Variants in MAD1L1 observed in about 807,000 individuals in gnomAD.
MAD1L1 encodes the protein mitotic arrest deficient 1 like 1.
In MAD1L1, 95 loss-of-function variants were observed where a neutral mutation model predicts 96.9. That is an observed-to-expected ratio of 0.98 (90% CI 0.83 to 1.16). The LOEUF is 1.16. Among genes scored for constraint, MAD1L1 ranks in the 50% most tolerant of loss-of-function variants. The pLI, the probability that MAD1L1 is intolerant of heterozygous loss-of-function variation, is 0.00. For synonymous variants in MAD1L1, 473 were observed against 396.6 expected (o/e 1.19, Z -2.29); for missense variants, 1,007 against 954.4 (o/e 1.06, Z -0.73).
chr7:2,194,747 T>C (rs896741722), intron 10 of MAD1L1, among the ~76,000 whole-genome samples: 2 of 152,038 alleles, frequency 1.3e-5, no homozygotes, highest in African/African-American at 4.8e-5. Context: ...GCATACTAAA[T>C]GATGAAACAA....
intron 16 of MAD1L1, among the ~76,000 whole-genome samples, chr7:1,950,828 G>T (rs1013496351): frequency 6.6e-6 from 1 of 152,192 alleles, no homozygotes; most frequent in Admixed American, 6.5e-5. Flanking sequence ...CACCGCGGTG[G>T]GTCCTGGCTC....
intron 10 of MAD1L1, among the ~76,000 whole-genome samples, chr7:2,165,860 C>T (rs919511918): frequency 2.6e-5 from 4 of 152,154 alleles, no homozygotes; most frequent in South Asian, 4.1e-4. Context: ...CCCCATGCTG[C>T]CCACAGCCCC....
chr7:1,977,427 C>T (rs1780697241), intron 15 of MAD1L1, among the ~76,000 whole-genome samples: 1 of 152,214 alleles, frequency 6.6e-6, no homozygotes, highest in Non-Finnish European at 1.5e-5. Flanking sequence ...CCCGCCAAGC[C>T]CACGCCCACC....
At chr7:2,147,862 T>C (rs373935453) in intron 11 of MAD1L1, among the ~76,000 whole-genome samples, 38 of 152,380 alleles carry the variant, frequency 2.5e-4, no homozygotes, top group African/African-American at 8.9e-4. Flanking sequence ...GACACAGAGA[T>C]GGGCCTGCTG....
chr7:1,950,590 T>C (rs901762323), intron 16 of MAD1L1, among the ~76,000 whole-genome samples: 8 of 152,220 alleles, frequency 5.3e-5, no homozygotes, highest in Admixed American at 2.0e-4. Context: ...GGCTGAGGCC[T>C]GGCTCTGAGC....
intron 18 of MAD1L1, among the ~76,000 whole-genome samples, chr7:1,881,331 C>A (rs1022995178): frequency 2.0e-5 from 3 of 152,128 alleles, no homozygotes; most frequent in African/African-American, 7.2e-5. Context: ...AAGGTCATCG[C>A]CAAGGTCTGA....
intron 13 of MAD1L1, among the ~76,000 whole-genome samples, chr7:2,009,624 G>A (rs1357674457): frequency 1.3e-5 from 2 of 152,198 alleles, no homozygotes; most frequent in Non-Finnish European, 2.9e-5. Flanking sequence ...GTCTGAGGAT[G>A]ACTGTGAGCC....
chr7:1,973,844 G>A (rs1015965439), intron 15 of MAD1L1, among the ~76,000 whole-genome samples: 7 of 152,198 alleles, frequency 4.6e-5, no homozygotes, highest in African/African-American at 1.7e-4. Context: ...CCAGAGCTGG[G>A]CCTGCCTCTG....
At chr7:2,219,307 G>A (rs995788875) in intron 6 of MAD1L1, 25 bp downstream of exon 6, 35 of 1,489,464 alleles carry the variant, frequency 2.3e-5, no homozygotes, top group Middle Eastern at 2.3e-4. Context: ...CCCGACCCCC[G>A]ACCCCACACC....
intron 10 of MAD1L1, among the ~76,000 whole-genome samples, chr7:2,164,291 G>A (rs573288269): frequency 3.3e-5 from 5 of 152,334 alleles, no homozygotes; most frequent in Non-Finnish European, 5.9e-5. Flanking sequence ...AGAGGCAAGA[G>A]AACAGCCTGG....
chr7:1,960,430 T>C (rs1275917962), intron 15 of MAD1L1, among the ~76,000 whole-genome samples: 1 of 152,060 alleles, frequency 6.6e-6, no homozygotes, highest in East Asian at 1.9e-4. Flanking sequence ...CCGCTGACAA[T>C]AATGCACTTT....
At chr7:2,016,689 CT>C (rs869262279) in intron 12 of MAD1L1, among the ~76,000 whole-genome samples, 99 of 484 alleles carry the variant, frequency 0.2, no homozygotes, top group Non-Finnish European at 0.32. Flanking sequence ...CTCCTGCCGT[CT>C]GTCTCTTGAG....
At chr7:2,076,957 G>GGCACGGTGAGCCCGCA (rs1785405244) in intron 11 of MAD1L1, among the ~76,000 whole-genome samples, 1 of 149,580 alleles carries the variant, frequency 6.7e-6, no homozygotes, top group African/African-American at 2.5e-5. Context: ...GTGAGCCCGC[G>GGCACGGTGAGCCCGCA]GCACGGTGAG....
intron 10 of MAD1L1, among the ~76,000 whole-genome samples, chr7:2,212,937 C>T (rs902629260): frequency 8.5e-5 from 13 of 152,260 alleles, no homozygotes; most frequent in Admixed American, 4.6e-4. Flanking sequence ...AGCCCCGCAA[C>T]GCAGGGCAAT....
At chr7:1,817,456 T>A (rs1781873876) in intron 18 of MAD1L1, 1 of 152,202 alleles carries the variant, frequency 6.6e-6, no homozygotes, top group South Asian at 2.1e-4. Flanking sequence ...AAACCGGGTT[T>A]ACCCGTCAAC....
intron 10 of MAD1L1, among the ~76,000 whole-genome samples, chr7:2,188,993 C>T (rs1791589264): frequency 2.0e-5 from 3 of 152,048 alleles, no homozygotes; most frequent in Non-Finnish European, 4.4e-5. Context: ...ATGAAAATAA[C>T]GCGATTCAAG....
At chr7:2,075,073 A>G (rs1350323380) in intron 11 of MAD1L1, among the ~76,000 whole-genome samples, 4 of 151,934 alleles carry the variant, frequency 2.6e-5, no homozygotes, top group Non-Finnish European at 2.9e-5. Context: ...GAAGGCAAGG[A>G]GCAGGCTGGC....
At chr7:2,014,452 G>A (rs775748204) in intron 13 of MAD1L1, 50 bp downstream of exon 13, 69 of 1,513,530 alleles carry the variant, frequency 4.6e-5, no homozygotes, top group South Asian at 2.3e-4. Context: ...AAGGCCCACC[G>A]GGAAGAAGCC....
intron 10 of MAD1L1, among the ~76,000 whole-genome samples, chr7:2,159,940 A>T (rs564512044): frequency 1.3e-5 from 2 of 152,304 alleles, no homozygotes; most frequent in African/African-American, 2.4e-5. Context: ...TGCACAAAAG[A>T]AGTCTGGCCA....
Sources: gnomAD v4.1 joint callset for allele counts (sites outside exome capture counted in the v4.1 genomes callset) on GRCh38, gnomAD v4.1.1 for gene constraint, MANE v1.5 for transcripts, NCBI Gene and HGNC (gene_info 2026-07-23, HGNC 2026-07-21) for gene names.